PGR: variants seen among roughly 807,000 people sequenced by gnomAD.
The protein encoded by PGR is nuclear receptor subfamily 3 group C member 3.
Under a neutral mutation model 76.1 loss-of-function variants are expected in PGR, and 25 were observed. That is an observed-to-expected ratio of 0.33 (90% CI 0.24 to 0.46). The LOEUF (loss-of-function observed/expected upper bound fraction) is 0.46, where lower values mean the gene tolerates loss of function less well. Ranked by LOEUF, PGR falls within the 20% of genes least tolerant of loss-of-function variation. The pLI is 1.00. For synonymous variants in PGR, 579 were observed against 535.0 expected (o/e 1.08, Z -1.14); for missense variants, 1,172 against 1,225.3 (o/e 0.96, Z 0.65).
intron 2 of PGR, among the ~76,000 whole-genome samples, chr11:101,100,605 CCACACACACA>C (rs10682415): frequency 5.4e-5 from 8 of 147,580 alleles, no homozygotes; most frequent in African/African-American, 1.8e-4. Flanking sequence ...TATTTTGAAT[CCACACACACA>C]CACACACACA....
At chr11:101,097,627 TATATAGTAA>T (rs916447173) in intron 2 of PGR, among the ~76,000 whole-genome samples, 3 of 152,174 alleles carry the variant, frequency 2.0e-5, no homozygotes, top group African/African-American at 7.2e-5. Context: ...CTTATTGTCA[TATATAGTAA>T]ATAGTCACTT....
At chr11:101,094,836 C>T (rs1355635726) in intron 2 of PGR, among the ~76,000 whole-genome samples, 1 of 152,086 alleles carries the variant, frequency 6.6e-6, no homozygotes, top group African/African-American at 2.4e-5. Flanking sequence ...CCCAATGTGA[C>T]AATATTAAGA....
rs1328901959 is a variant in PGR at position 101,129,027 on chromosome 11, G to T, written c.44C>A (p.Ala15Glu). The T allele has an allele frequency of 2.6e-6, 4 of 1,566,342 alleles. No homozygotes were observed. The highest frequency in any genetic ancestry group is 2.7e-5 in the African/African-American group (2 of 73,940). Residue 15 changes from alanine (A) to glutamate (E), a missense_variant, in exon 1 of 8, where the codon GCG becomes GAG. Physicochemically the swap from Ala to Glu is moderately radical, Grantham distance 107 (BLOSUM62 -1). Around this residue, in one of 4 missense-constraint regions of PGR, gnomAD observed 893 missense variants for 785.9 expected, o/e 1.14. Coordinates refer to ENST00000325455, the MANE Select transcript of PGR (RefSeq NM_000926.4). ...KAKGPRAPHV[A>E]GGPPSPEVGS... ...GACCTCGGGGGAGGGCGGGCCGCCC[G>T]CCACGTGGGGAGCCCGGGGACCCTT...
At chr11:101,097,432 T>G (rs1208852914) in intron 2 of PGR, among the ~76,000 whole-genome samples, 1 of 152,230 alleles carries the variant, frequency 6.6e-6, no homozygotes, top group Admixed American at 6.5e-5. Context: ...GTATTCCTAT[T>G]GTATACTTTG....
Position 101,061,884 on chromosome 11 carries a change from T to C in PGR, c.2212+563A>G, listed in dbSNP as rs181263097. Among the ~76,000 whole-genome samples the C allele has an allele frequency of 4.6e-5, 7 of 152,324 alleles. No homozygotes were observed. The East Asian group carries it at 9.6e-4, about 21-fold the overall frequency. On this transcript the variant is annotated intron_variant, in intron 4 of 7. Transcript: ENST00000325455. ...ATATAATCCAAGTTCTCTCTGTTGC[T>C]GGGCGATATACTCTCTTTGGGTATA...
chr11:101,040,077 T>C (rs1859647393), intron 7 of PGR, among the ~76,000 whole-genome samples: 1 of 152,044 alleles, frequency 6.6e-6, no homozygotes, highest in Non-Finnish European at 1.5e-5. Context: ...GATTTTTTTA[T>C]GGTTTTCTGC....
At chr11:101,089,298 A>T (rs1303836816) in intron 3 of PGR, among the ~76,000 whole-genome samples, 1 of 152,238 alleles carries the variant, frequency 6.6e-6, no homozygotes, top group Non-Finnish European at 1.5e-5. Flanking sequence ...TGGTACATCG[A>T]ATATATATTT....
intron 3 of PGR, among the ~76,000 whole-genome samples, chr11:101,066,401 T>A (rs1565341198): frequency 6.6e-6 from 1 of 152,198 alleles, no homozygotes; most frequent in Non-Finnish European, 1.5e-5. Context: ...CTAGCTCTTT[T>A]TCATCTTCTC....
At chr11:101,088,464 T>TG (rs1861567839) in intron 3 of PGR, among the ~76,000 whole-genome samples, 1 of 151,898 alleles carries the variant, frequency 6.6e-6, no homozygotes, top group African/African-American at 2.4e-5. Flanking sequence ...CCCAAGTAGG[T>TG]GGGACTACAG....
At chr11:101,041,275 C>CT (rs1237403700) in intron 7 of PGR, among the ~76,000 whole-genome samples, 1 of 151,900 alleles carries the variant, frequency 6.6e-6, no homozygotes, top group East Asian at 1.9e-4. Flanking sequence ...GAGTGGATAG[C>CT]TTTTTTATGC....
At chr11:101,112,956 T>C (rs1411679602) in intron 2 of PGR, among the ~76,000 whole-genome samples, 1 of 152,260 alleles carries the variant, frequency 6.6e-6, no homozygotes, top group Non-Finnish European at 1.5e-5. Flanking sequence ...GCCAAGTTCC[T>C]GACATATGTG....
chr11:101,120,870 T>C (rs1172002028), intron 2 of PGR, among the ~76,000 whole-genome samples: 2 of 152,216 alleles, frequency 1.3e-5, no homozygotes, highest in African/African-American at 4.8e-5. Flanking sequence ...TTATTAGCAC[T>C]AGCACGCATG....
intron 3 of PGR, among the ~76,000 whole-genome samples, chr11:101,082,423 C>T (rs955686202): frequency 2.6e-5 from 4 of 152,162 alleles, no homozygotes; most frequent in Non-Finnish European, 5.9e-5. Flanking sequence ...GAGGTTGGAA[C>T]AGTTTGCAGG....
rs1201528906 is a variant in PGR, at chr11:101,037,984, A to T, written c.*1132T>A. 2 of 210,864 alleles carry T rather than the reference A, an allele frequency of 9.5e-6. No homozygotes were observed. Among genetic ancestry groups the T allele is most frequent in the East Asian group, 1.4e-4 (2 of 14,210 alleles). The allele number at this position is 210,864 out of a possible 1,614,324, so 13.1% of individuals were successfully genotyped here. A position where few individuals can be genotyped will look rare whatever the true frequency, so the allele number is the denominator to read the frequency against. The stretch of plus-strand genomic sequence containing the variant: ...GAGAAGGCAAATTACTGCTTGGAAG[A>T]CTCAGGGAAGATTTTACAGAAATGA... On this transcript the variant is annotated 3_prime_UTR_variant, in exon 8 of 8. Coordinates refer to ENST00000325455, the MANE Select transcript of PGR (RefSeq NM_000926.4).
In PGR at chr11:101,038,438, A is replaced by T; in HGVS notation, c.*678T>A. 4.5e-6 allele frequency: 1 copy of T among 222,770 alleles called. No homozygotes were observed. The highest frequency in any genetic ancestry group is 9.0e-6 in the Non-Finnish European group (1 of 111,412). 13.8% of individuals were successfully genotyped at this position (222,770 alleles called of 1,614,324 possible). A position where few individuals can be genotyped will look rare whatever the true frequency, so the allele number is the denominator to read the frequency against. On this transcript the variant is annotated 3_prime_UTR_variant, in exon 8 of 8. Coordinates refer to ENST00000325455, the MANE Select transcript of PGR (RefSeq NM_000926.4). ...AAAGGTTATTTTAAAAACCTACAAA[A>T]CCCACAATACTATTTGCATAATGAT...
At chr11:101,100,741 A>C (rs1211091401) in intron 2 of PGR, among the ~76,000 whole-genome samples, 1 of 152,156 alleles carries the variant, frequency 6.6e-6, no homozygotes, top group African/African-American at 2.4e-5. Context: ...CCTCACCAGG[A>C]CATTTCACAA....
intron 3 of PGR, among the ~76,000 whole-genome samples, chr11:101,069,406 T>C (rs2135421598): frequency 6.6e-6 from 1 of 152,266 alleles, no homozygotes; most frequent in East Asian, 1.9e-4. Flanking sequence ...TTTTACACTG[T>C]TGGTGGGAGT....
chr11:101,110,801 T>C (rs1160733287), intron 2 of PGR, among the ~76,000 whole-genome samples: 1 of 152,140 alleles, frequency 6.6e-6, no homozygotes, highest in Admixed American at 6.5e-5. Context: ...AACTTCACTG[T>C]TGTCTTATTT....
Position 101,062,635 on chromosome 11 carries a change from A to G in PGR, c.2024T>C (p.Phe675Ser), listed in dbSNP as rs778729454. ...ESQALSQRFTFSPGQDIQLIP... is the reference protein window; with the variant it reads ...ESQALSQRFTSSPGQDIQLIP... ...CAACTGTATGTCTTGACCTGGTGAA[A>G]AAGTGAATCTCTGGCTTAGGGCTTG... Residue 675 changes from phenylalanine to serine, a missense_variant, in exon 4 of 8, where the codon TTT becomes TCT. Phe to Ser is a radical substitution (Grantham distance 155). Around this residue, in one of 4 missense-constraint regions of PGR, gnomAD observed 73 missense variants for 60.7 expected, o/e 1.20. Coordinates refer to ENST00000325455, the MANE Select transcript of PGR (RefSeq NM_000926.4). 5 of 1,613,950 alleles carry G rather than the reference A, an allele frequency of 3.1e-6. No individual in the cohort carries two copies. In the South Asian group the frequency reaches 3.3e-5, roughly 11 times the overall value.
Sources: gnomAD v4.1 joint callset for allele counts (sites outside exome capture counted in the v4.1 genomes callset) on GRCh38, gnomAD v4.1.1 for gene constraint, gnomAD v4.1.1 regional missense constraint, MANE v1.5 for transcripts, NCBI Gene and HGNC (gene_info 2026-07-23, HGNC 2026-07-21) for gene names.